PLP2: variants seen among roughly 807,000 people sequenced by gnomAD.
The protein encoded by PLP2 is A4 differentiation-dependent protein.
Under a neutral mutation model 11.4 loss-of-function variants are expected in PLP2, and 8 were observed. The observed-to-expected ratio is 0.70, with a 90% CI of 0.41 to 1.27. The LOEUF is 1.27. Ranked by LOEUF, PLP2 falls within the 50% of genes most tolerant of loss-of-function variation. The pLI is 0.01. For missense variants in PLP2, 127 were observed against 123.5 expected (o/e 1.03, Z -0.14); for synonymous variants, 50 against 53.2 (o/e 0.94, Z 0.26).
chrX:49,173,415 A>G lies in PLP2; in HGVS notation c.277A>G (p.Ile93Val). The change falls in exon 3 of 5, where the codon ATC (isoleucine) becomes GTC (valine). Residue 93 changes from isoleucine (I) to valine (V), a missense_variant. Ile to Val is a conservative substitution (Grantham distance 29). Transcript: ENST00000376327. ...TTTCTTCCGAACCCTCATAGCGGCA[A>G]TCCTCTACCTGATCACCTCCATTGT... Reference protein sequence around the residue: ...SDFFRTLIAAILYLITSIVVL... With the variant: ...SDFFRTLIAAVLYLITSIVVL... The G allele has an allele frequency of 8.3e-7, 1 of 1,211,493 alleles. No homozygotes were observed. Among genetic ancestry groups the G allele is most frequent in the Non-Finnish European group, 1.1e-6 (1 of 895,435 alleles).
intron 1 of PLP2, 28 bp from the exon 2 acceptor site, chrX:49,173,101 G>C: frequency 8.3e-7 from 1 of 1,203,914 alleles, no homozygotes; most frequent in Non-Finnish European, 1.1e-6. Flanking sequence ...TGCTGATTGA[G>C]GTCCCCTTTC....
chrX:49,173,750 A>G (rs957442452), intron 3 of PLP2: 2 of 488,804 alleles, frequency 4.1e-6, no homozygotes, highest in Non-Finnish European at 6.8e-6. Flanking sequence ...TACCATCTGC[A>G]AGAACTTTGT....
intron 1 of PLP2, 65 bp downstream of exon 1, chrX:49,172,161 G>C: frequency 1.2e-6 from 1 of 811,944 alleles, no homozygotes; most frequent in Non-Finnish European, 1.8e-6. Context: ...TGCGGAACTG[G>C]ATGGTCCGGG....
In PLP2 at chrX:49,175,093, T is replaced by C; in HGVS notation, c.*399T>C. 3.9e-6 allele frequency: 1 copy of C among 257,109 alleles called. No homozygotes were observed. The highest frequency in any genetic ancestry group is 6.9e-6 in the Non-Finnish European group (1 of 144,173). 21.2% of individuals were successfully genotyped at this position (257,109 alleles called of 1,213,427 possible). ...TAATAAACATTGTTAAAATATACGA[T>C]AATGAATAAAGTAATCCTTTCATCA... On this transcript the variant is annotated 3_prime_UTR_variant, in exon 5 of 5. Transcript: ENST00000376327.
In PLP2 at chrX:49,175,044, T is replaced by C. The variant is rs2065407563; in HGVS notation, c.*350T>C. ...CAAATAATCTCCTCGGTGTGGGTGGTGGTTCTATAGAGGGATAAATGAATA... is the reference window on the plus strand; with the variant it reads ...CAAATAATCTCCTCGGTGTGGGTGGCGGTTCTATAGAGGGATAAATGAATA... On this transcript the variant is annotated 3_prime_UTR_variant, in exon 5 of 5. Coordinates refer to ENST00000376327, the MANE Select transcript of PLP2 (RefSeq NM_002668.3). 1 of 369,528 alleles carries C rather than the reference T, an allele frequency of 2.7e-6. No homozygotes were observed. The highest frequency in any genetic ancestry group is 4.7e-6 in the Non-Finnish European group (1 of 211,675). The allele number at this position is 369,528 out of a possible 1,213,427, so 30.5% of individuals were successfully genotyped here. A position where few individuals can be genotyped will look rare whatever the true frequency, so the allele number is the denominator to read the frequency against.
Position 49,173,455 on chromosome X carries a change from G to T in PLP2, c.317G>T (p.Arg106Ile). 7.4e-6 allele frequency: 9 copies of T among 1,211,921 alleles called. No homozygotes were observed. The highest frequency in any genetic ancestry group is 1.0e-5 in the Non-Finnish European group (9 of 895,593). The change falls in exon 3 of 5, where the codon AGA becomes ATA. Residue 106 changes from arginine (R) to isoleucine (I), a missense_variant. By Grantham distance (97) the Arg-to-Ile change is moderately conservative (BLOSUM62 -3). Transcript: ENST00000376327. ...LITSIVVLVE[R>I]GNHSKIVAGV... ...ACCTCCATTGTTGTCCTTGTTGAGA[G>T]AGGAAACCACTCCAAAATCGTCGCA...
At chrX:49,173,303 C>T (rs1557099427) in intron 2 of PLP2, 22 bp downstream of exon 2, 1 of 1,209,423 alleles carries the variant, frequency 8.3e-7, no homozygotes, top group Non-Finnish European at 1.1e-6. Context: ...TCCACAATGG[C>T]AAGACCAGGG....
chrX:49,174,615 T>C, intron 4 of PLP2, 57 bp from the exon 5 acceptor site: 2 of 1,122,259 alleles, frequency 1.8e-6, no homozygotes, highest in Non-Finnish European at 2.5e-6. Flanking sequence ...TGGATCTTGT[T>C]TTAAAAAATG....
chrX:49,174,731 A>T lies in PLP2; in HGVS notation c.*37A>T. Reference sequence around the variant, plus strand: ...TCATTTCTCTCTGCAATCTGCAAATAACTCCTCCATTGAAATAACTCCTCC... The same window carrying T: ...TCATTTCTCTCTGCAATCTGCAAATTACTCCTCCATTGAAATAACTCCTCC... On this transcript the variant is annotated 3_prime_UTR_variant, in exon 5 of 5. Coordinates refer to ENST00000376327, the MANE Select transcript of PLP2 (RefSeq NM_002668.3). 1 of 1,125,954 alleles carries T rather than the reference A, an allele frequency of 8.9e-7. No individual in the cohort carries two copies. The highest frequency in any genetic ancestry group is 1.2e-6 in the Non-Finnish European group (1 of 818,976). The allele number at this position is 1,125,954 out of a possible 1,213,427, so 92.8% of individuals were successfully genotyped here.
At position 49,173,398 on chromosome X, in the gene PLP2, G is replaced by A. The variant is rs781844616; in HGVS notation, c.260G>A (p.Arg87Gln). Residue 87 changes from arginine (R) to glutamine (Q), a missense_variant, in exon 3 of 5, where the codon CGA becomes CAA. Physicochemically the swap from Arg to Gln is conservative, Grantham distance 43. Transcript: ENST00000376327. ...CCCTACACCTCACAGGATTTCTTCC[G>A]AACCCTCATAGCGGCAATCCTCTAC... is the stretch of plus-strand genomic sequence containing the variant. ...FINWPWSDFF[R>Q]TLIAAILYLI... 3 of 1,211,115 alleles carry A rather than the reference G, an allele frequency of 2.5e-6. No individual in the cohort carries two copies. Among genetic ancestry groups the A allele is most frequent in the Non-Finnish European group, 3.4e-6 (3 of 895,160 alleles).
At chrX:49,174,234 C>CCA in intron 3 of PLP2, 101 bp from the exon 4 acceptor site, 1 of 629,429 alleles carries the variant, frequency 1.6e-6, no homozygotes, top group Non-Finnish European at 2.7e-6. Context: ...GAGTCCCATC[C>CCA]TGCGTGGGGC....
chrX:49,173,511 C>A, intron 3 of PLP2, 28 bp downstream of exon 3: 1 of 1,211,586 alleles, frequency 8.3e-7, no homozygotes, highest in East Asian at 3.0e-5. Context: ...AGCTCTGAAG[C>A]ACAGAGCGAA....
chrX:49,174,705 C>G lies in PLP2; in HGVS notation c.*11C>G. 16 of 1,188,902 alleles carry G rather than the reference C, an allele frequency of 1.3e-5. No homozygotes were observed. Among genetic ancestry groups the G allele is most frequent in the Non-Finnish European group, 1.7e-5 (15 of 875,095 alleles). On this transcript the variant is annotated 3_prime_UTR_variant, in exon 5 of 5. Transcript: ENST00000376327. ...GATGGCCCGGTGTAGGCGAACTTCC[C>G]TCATTTCTCTCTGCAATCTGCAAAT...
rs782351722 is a variant in PLP2, at chrX:49,174,216, C to T, written c.346-119C>T. On this transcript the variant is annotated intron_variant, in intron 3 of 4. Coordinates refer to ENST00000376327, the MANE Select transcript of PLP2 (RefSeq NM_002668.3). Reference sequence around the variant, plus strand: ...TTGGCCTTTCCCTGGCTTACCAACCCGGTGCTTGAGTCCCATCCTGCGTGG... The same window carrying T: ...TTGGCCTTTCCCTGGCTTACCAACCTGGTGCTTGAGTCCCATCCTGCGTGG... The T allele has an allele frequency of 4.1e-4, 230 of 556,833 alleles. 2 individuals are homozygous for T. In the South Asian group the frequency reaches 5.5e-3, roughly 13 times the overall value. 45.9% of individuals were successfully genotyped at this position (556,833 alleles called of 1,213,427 possible).
chrX:49,172,752 G>A (rs1378449166), intron 1 of PLP2, among the ~76,000 whole-genome samples: 1 of 112,142 alleles, frequency 8.9e-6, no homozygotes, highest in Non-Finnish European at 1.9e-5. Context: ...AGGCCACAAA[G>A]CTGGCGTCAG....
intron 4 of PLP2, 24 bp downstream of exon 4, chrX:49,174,449 G>T (rs1557099584): frequency 2.7e-6 from 3 of 1,120,523 alleles, no homozygotes; most frequent in Admixed American, 4.4e-5. Flanking sequence ...TGTGTTGGTT[G>T]GGGGTAAGGG....
At chrX:49,172,295 TG>T (rs1473915743) in intron 1 of PLP2, among the ~76,000 whole-genome samples, 199 bp downstream of exon 1, 1 of 109,506 alleles carries the variant, frequency 9.1e-6, no homozygotes, top group Non-Finnish European at 1.9e-5. Flanking sequence ...TGAGATCTGG[TG>T]GTCCCCGGGG....
Position 49,173,403 on chromosome X carries a change from C to A in PLP2, c.265C>A (p.Leu89Ile). The stretch of plus-strand genomic sequence containing the variant: ...CACCTCACAGGATTTCTTCCGAACC[C>A]TCATAGCGGCAATCCTCTACCTGAT... The part of the protein sequence containing the change: ...NWPWSDFFRT[L>I]IAAILYLITS... Residue 89 changes from leucine to isoleucine, a missense_variant, in exon 3 of 5, where the codon CTC (leucine) becomes ATC (isoleucine). Coordinates refer to ENST00000376327, the MANE Select transcript of PLP2 (RefSeq NM_002668.3). The A allele has an allele frequency of 1.7e-6, 2 of 1,211,437 alleles. No homozygotes were observed. Among genetic ancestry groups the A allele is most frequent in the Non-Finnish European group, 2.2e-6 (2 of 895,252 alleles).
In PLP2 at chrX:49,173,272, G is replaced by A; in HGVS notation, c.240G>A (p.Trp80Ter). 8.3e-7 allele frequency: 1 copy of A among 1,210,985 alleles called. No homozygotes were observed. Among genetic ancestry groups the A allele is most frequent in the Non-Finnish European group, 1.1e-6 (1 of 894,913 alleles). Residue 80 changes from tryptophan (W) to a stop codon, truncating the protein, a stop_gained, in exon 2 of 5, where the codon TGG (tryptophan) becomes TGA (stop). Coordinates refer to ENST00000376327, the MANE Select transcript of PLP2 (RefSeq NM_002668.3). LOFTEE classifies it high-confidence loss of function. Reference protein sequence around the residue: ...DLHTKIPFINWPWSDFFRTLI... With the variant: ...DLHTKIPFIN Reference sequence around the variant, plus strand: ...ACACCAAGATACCATTCATCAACTGGCCCTGGAGTGTGAGAAGGGGTCCAC... The same window carrying A: ...ACACCAAGATACCATTCATCAACTGACCCTGGAGTGTGAGAAGGGGTCCAC...
Sources: allele counts gnomAD v4.1 joint callset (sites outside exome capture counted in the v4.1 genomes callset), GRCh38; gene constraint gnomAD v4.1.1; transcripts MANE v1.5; gene names NCBI Gene and HGNC (gene_info 2026-07-23, HGNC 2026-07-21).